The following TRIM42 variants were observed in gnomAD, a reference collection of about 807,000 sequenced individuals.
TRIM42 encodes tripartite motif containing 42.
Under a neutral mutation model 64.9 loss-of-function variants are expected in TRIM42, and 59 were observed. The ratio of observed to expected loss-of-function variants is 0.91; its 90% CI spans 0.74 to 1.13. The LOEUF (loss-of-function observed/expected upper bound fraction) is 1.13. Among genes scored for constraint, TRIM42 ranks in the 50% most tolerant of loss-of-function variants. The probability of loss-of-function intolerance (pLI) is 0.00; values close to 1 mark genes in which losing one functional copy is unlikely to be tolerated. For synonymous variants in TRIM42, 354 were observed against 346.3 expected (o/e 1.02, Z -0.25); for missense variants, 878 against 929.5 (o/e 0.94, Z 0.72).
chr3:140,697,827 G>A (rs896110698), intron 4 of TRIM42, among the ~76,000 whole-genome samples: 2 of 152,148 alleles, frequency 1.3e-5, no homozygotes, highest in African/African-American at 4.8e-5. Context: ...GGGACTACAG[G>A]CGCCCGCCAC....
intron 4 of TRIM42, among the ~76,000 whole-genome samples, chr3:140,699,173 T>C (rs1205800104): frequency 6.6e-6 from 1 of 152,236 alleles, no homozygotes; most frequent in African/African-American, 2.4e-5. Flanking sequence ...CTTCCATTCA[T>C]GGAATAAATC....
rs753214955 is a variant in TRIM42 at position 140,678,570 on chromosome 3, C to T, written c.341C>T (p.Ser114Phe). ...GGCCGCCTCAGGAGCATCCATACCTCGTAAGTGCCAGGCACCAGATGTGGG... is the reference window on the plus strand; with the variant it reads ...GGCCGCCTCAGGAGCATCCATACCTTGTAAGTGCCAGGCACCAGATGTGGG... Reference protein sequence around the residue: ...HKGRLRSIHTSSKTALRTGSS... With the variant: ...HKGRLRSIHTFSKTALRTGSS... The change falls in exon 1 of 5, where the codon TCC becomes TTC. Residue 114 changes from serine to phenylalanine, a missense_variant and splice_region_variant. Ser to Phe is a radical substitution (Grantham distance 155, BLOSUM62 -2). Transcript: ENST00000286349. The T allele has an allele frequency of 6.2e-6, 10 of 1,609,502 alleles. No individual in the cohort carries two copies. Among genetic ancestry groups the T allele is most frequent in the Admixed American group, 1.7e-5 (1 of 59,818 alleles).
At chr3:140,681,867 T>A (rs1473438732) in intron 1 of TRIM42, among the ~76,000 whole-genome samples, 2 of 144,582 alleles carry the variant, frequency 1.4e-5, no homozygotes, top group Admixed American at 1.4e-4. Context: ...CAAAAGTTGT[T>A]AAAAAAAAAA....
chr3:140,683,680 T>C (rs903696097), intron 2 of TRIM42, among the ~76,000 whole-genome samples: 1 of 152,174 alleles, frequency 6.6e-6, no homozygotes, highest in Non-Finnish European at 1.5e-5. Flanking sequence ...AATGTTAAAT[T>C]TCCCTCCATG....
rs376618494 is a variant in TRIM42, at chr3:140,679,634, A to C, written c.341+1064A>C. 4.6e-5 allele frequency among the ~76,000 whole-genome samples: 7 copies of C among 152,332 alleles called. No individual in the cohort carries two copies. The South Asian group carries it at 1.2e-3, about 27-fold the overall frequency. ...TGACCCTCTCATAGTGTTTGCATAA[A>C]TAGGAAATCCAGGGATTCTCGATGC... On this transcript the variant is annotated intron_variant, in intron 1 of 4. Transcript: ENST00000286349.
Position 140,682,986 on chromosome 3 carries a change from T to TCTG in TRIM42, c.868_870dup (p.Cys290dup). The TCTG allele has an allele frequency of 6.2e-7, 1 of 1,614,206 alleles. No homozygotes were observed. The highest frequency in any genetic ancestry group is 8.5e-7 in the Non-Finnish European group (1 of 1,180,040). On this transcript the variant is annotated inframe_insertion, in exon 2 of 5. Transcript: ENST00000286349. The stretch of plus-strand genomic sequence containing the variant: ...AGCGCCGAGGAACAGGACGAGAAGA[T>TCTG]CTGCATCCACCACCCATCCAGCCGC...
chr3:140,687,404 A>T (rs1305486093), intron 2 of TRIM42, among the ~76,000 whole-genome samples: 5 of 152,250 alleles, frequency 3.3e-5, no homozygotes, highest in Non-Finnish European at 5.9e-5. Flanking sequence ...CAACTTGCAG[A>T]CAACTGAAAT....
intron 4 of TRIM42, among the ~76,000 whole-genome samples, chr3:140,700,110 G>C (rs144127737): frequency 0.027 from 4,140 of 152,134 alleles, 85 homozygotes; most frequent in Admixed American, 0.058. Context: ...TATTTATTTG[G>C]GGGGAAGGAA....
chr3:140,687,001 G>C (rs1177108456), intron 2 of TRIM42, among the ~76,000 whole-genome samples: 1 of 152,164 alleles, frequency 6.6e-6, no homozygotes, highest in African/African-American at 2.4e-5. Context: ...TACATGGCAT[G>C]TAACAGGGCT....
intron 1 of TRIM42, among the ~76,000 whole-genome samples, chr3:140,678,782 T>A (rs1410268523): frequency 1.3e-5 from 2 of 152,208 alleles, no homozygotes; most frequent in African/African-American, 4.8e-5. Context: ...CCATTAACTA[T>A]GTAAATGAGC....
At chr3:140,697,367 T>A (rs1288523257) in intron 4 of TRIM42, among the ~76,000 whole-genome samples, 1 of 152,206 alleles carries the variant, frequency 6.6e-6, no homozygotes, top group Non-Finnish European at 1.5e-5. Context: ...TCAATTATTT[T>A]TTCTTTATAG....
rs748073980 is a variant in TRIM42 at position 140,683,036 on chromosome 3, A to G, written c.916A>G (p.Asn306Asp). 6.2e-7 allele frequency: 1 copy of G among 1,614,188 alleles called. No homozygotes were observed. The highest frequency in any genetic ancestry group is 8.5e-7 in the Non-Finnish European group (1 of 1,180,032). ...CATCATCGAGTACTGCCGCAATGAC[A>G]ACAAATTGCTCTGCACCTTCTGCAA... ...SRIIEYCRNDNKLLCTFCKFS... is the reference protein window; with the variant it reads ...SRIIEYCRNDDKLLCTFCKFS... The change falls in exon 2 of 5, where the codon AAC becomes GAC. Residue 306 changes from asparagine (N) to aspartate (D), a missense_variant. By Grantham distance (23) the Asn-to-Asp change is conservative. Coordinates refer to ENST00000286349, the MANE Select transcript of TRIM42 (RefSeq NM_152616.5).
intron 2 of TRIM42, 135 bp downstream of exon 2, chr3:140,683,294 G>A (rs1430922285): frequency 1.1e-6 from 1 of 909,054 alleles, no homozygotes; most frequent in East Asian, 2.7e-5. Flanking sequence ...AGGAAACACT[G>A]TGCTACCCTG....
At chr3:140,692,319 C>A (rs1363767950) in intron 4 of TRIM42, among the ~76,000 whole-genome samples, 2 of 152,098 alleles carry the variant, frequency 1.3e-5, no homozygotes, top group Admixed American at 1.3e-4. Flanking sequence ...AGCATCTGAC[C>A]AACCATACTC....
At chr3:140,681,825 CTTAT>C (rs1349951519) in intron 1 of TRIM42, among the ~76,000 whole-genome samples, 1 of 149,638 alleles carries the variant, frequency 6.7e-6, no homozygotes, top group Non-Finnish European at 1.5e-5. Context: ...CTTAATAAAT[CTTAT>C]CTAGAAGGTA....
At chr3:140,680,448 G>T (rs1988348567) in intron 1 of TRIM42, among the ~76,000 whole-genome samples, 4 of 151,948 alleles carry the variant, frequency 2.6e-5, no homozygotes, top group Admixed American at 2.6e-4. Context: ...TTAGCCCTGA[G>T]ACCTCTTTCT....
chr3:140,689,949 CA>C (rs1988663520), intron 3 of TRIM42, among the ~76,000 whole-genome samples: 1 of 151,966 alleles, frequency 6.6e-6, no homozygotes, highest in East Asian at 1.9e-4. Flanking sequence ...GGAAAATAGT[CA>C]CCCCATGCCA....
intron 1 of TRIM42, chr3:140,680,779 T>C: frequency 1.2e-6 from 1 of 838,968 alleles, no homozygotes; most frequent in Non-Finnish European, 1.4e-6. Context: ...TCCAGGTGCC[T>C]TAATATACAC....
intron 4 of TRIM42, among the ~76,000 whole-genome samples, chr3:140,697,258 A>G (rs973934285): frequency 4.6e-5 from 7 of 152,216 alleles, no homozygotes; most frequent in Non-Finnish European, 8.8e-5. Flanking sequence ...GGTTTTAGAC[A>G]TTGGTATTAT....
Sources: allele counts gnomAD v4.1 joint callset (sites outside exome capture counted in the v4.1 genomes callset), GRCh38; gene constraint gnomAD v4.1.1; transcripts MANE v1.5; gene names NCBI Gene and HGNC (gene_info 2026-07-23, HGNC 2026-07-21).